ZP3: variants seen among roughly 807,000 people sequenced by gnomAD.
The protein encoded by ZP3 is zona pellucida sperm-binding protein 3.
Under a neutral mutation model 35.6 loss-of-function variants are expected in ZP3, and 21 were observed. That is an observed-to-expected ratio of 0.59 (90% confidence interval 0.42 to 0.85). The LOEUF (loss-of-function observed/expected upper bound fraction) is 0.85, where lower values mean the gene tolerates loss of function less well. ZP3 is among the 40% of genes least tolerant of loss of function. ZP3 has a pLI of 0.00. For missense variants in ZP3, 437 were observed against 536.5 expected (o/e 0.81, Z 1.83); for synonymous variants, 207 against 214.5 (o/e 0.96, Z 0.31).
At chr7:76,415,553 G>T (rs988863518) in intron 1 of ZP3, among the ~76,000 whole-genome samples, 2 of 150,558 alleles carry the variant, frequency 1.3e-5, no homozygotes, top group African/African-American at 4.9e-5. Context: ...GAGTGCAGTG[G>T]CACAGTCTCG....
In ZP3 at chr7:76,429,625, C is replaced by A. The variant is rs1246808858; in HGVS notation, c.423C>A (p.Arg141=). The A allele has an allele frequency of 3.1e-6, 5 of 1,613,906 alleles. No homozygotes were observed. The African/African-American group carries it at 4.0e-5, about 13-fold the overall frequency. Reference sequence around the variant, plus strand: ...GCGCAGAGATTCCCATCGAGTGCCGCTACCCCAGGTCGGTGTGGGACTGAC... The same window carrying A: ...GCGCAGAGATTCCCATCGAGTGCCGATACCCCAGGTCGGTGTGGGACTGAC... ...TNRAEIPIEC[R]YPRQGNVSSQ... Residue 141 remains arginine (R), a synonymous_variant, in exon 2 of 8, where the codon CGC becomes CGA. Coordinates refer to ENST00000394857, the MANE Select transcript of ZP3 (RefSeq NM_001110354.2).
chr7:76,419,617 CTTCT>C (rs1004000855), intron 1 of ZP3, among the ~76,000 whole-genome samples: 17 of 151,846 alleles, frequency 1.1e-4, no homozygotes, highest in African/African-American at 2.4e-4. Flanking sequence ...CCCTTCCTTC[CTTCT>C]TTCTTTCTTT....
intron 5 of ZP3, among the ~76,000 whole-genome samples, chr7:76,435,525 G>A (rs1314194928): frequency 1.3e-5 from 2 of 152,252 alleles, no homozygotes; most frequent in Admixed American, 6.5e-5. Context: ...TGGTTAGGAA[G>A]TGATTAAAGT....
chr7:76,400,617 AG>A, intron 1 of ZP3: 2 of 1,432,718 alleles, frequency 1.4e-6, no homozygotes, highest in Admixed American at 3.0e-5. Flanking sequence ...AGCTGGCACC[AG>A]GGGGTCACTG....
At chr7:76,419,426 T>C (rs970221106) in intron 1 of ZP3, among the ~76,000 whole-genome samples, 20 of 152,072 alleles carry the variant, frequency 1.3e-4, no homozygotes, top group Non-Finnish European at 2.2e-4. Flanking sequence ...TCTTGAAGAG[T>C]CCATCTGTTT....
intron 1 of ZP3, chr7:76,398,822 A>G: frequency 1.9e-6 from 3 of 1,609,460 alleles, no homozygotes; most frequent in South Asian, 1.1e-5. Context: ...AAGTGGATAC[A>G]GGGGTCTTTC....
chr7:76,398,566 A>G (rs1231173202), intron 1 of ZP3, among the ~76,000 whole-genome samples: 2 of 152,016 alleles, frequency 1.3e-5, no homozygotes, highest in African/African-American at 4.8e-5. Context: ...CGGCCTCCCA[A>G]AGTGCTGGGA....
intron 1 of ZP3, chr7:76,400,653 C>G: frequency 7.2e-7 from 1 of 1,382,174 alleles, no homozygotes; most frequent in Non-Finnish European, 9.5e-7. Context: ...CATGCCCACT[C>G]CAGGATGTCC....
Position 76,433,477 on chromosome 7 carries a change from G to C in ZP3, c.543G>C (p.Trp181Cys). 6.2e-7 allele frequency: 1 copy of C among 1,612,640 alleles called. No homozygotes were observed. The highest frequency in any genetic ancestry group is 8.5e-7 in the Non-Finnish European group (1 of 1,179,392). Residue 181 changes from tryptophan to cysteine, a missense_variant, in exon 4 of 8, where the codon TGG becomes TGC. Around this residue, in one of 6 missense-constraint regions of ZP3, gnomAD observed 352 missense variants for 308.4 expected, o/e 1.14. Transcript: ENST00000394857. ...TFSLRLMEEN[W>C]NAEKRSPTFH... Reference sequence around the variant, plus strand: ...GCTGACTGTGTCTTTCAGAGAACTGGAACGCTGAGAAGAGGTCCCCCACCT... The same window carrying C: ...GCTGACTGTGTCTTTCAGAGAACTGCAACGCTGAGAAGAGGTCCCCCACCT...
chr7:76,434,085 C>T lies in ZP3; in HGVS notation c.761C>T (p.Pro254Leu). 1.4e-6 allele frequency: 2 copies of T among 1,431,754 alleles called. No individual in the cohort carries two copies. The highest frequency in any genetic ancestry group is 1.9e-6 in the Non-Finnish European group (2 of 1,041,110). The allele number at this position is 1,431,754 out of a possible 1,614,324, so 88.7% of individuals were successfully genotyped here. Residue 254 changes from proline (P) to leucine (L), a missense_variant, in exon 5 of 8, where the codon CCT (proline) becomes CTT (leucine). This residue lies in a region of ZP3 where 26 missense variants were observed against 78.2 expected (regional missense o/e 0.33). Coordinates refer to ENST00000394857, the MANE Select transcript of ZP3 (RefSeq NM_001110354.2). ...LTDASSAFKV[P>L]RPGPDTLQFT... is the part of the protein sequence containing the mutation. ...GATGCCTCTTCTGCATTCAAAGTTC[C>T]TCGACCCGGGCCAGATACACTCCAG...
intron 2 of ZP3, among the ~76,000 whole-genome samples, chr7:76,432,708 T>C (rs562982725): frequency 2.4e-4 from 37 of 152,272 alleles, no homozygotes; most frequent in Admixed American, 8.5e-4. Flanking sequence ...CATCATAGCA[T>C]CAGTTAGGAT....
Position 76,400,340 on chromosome 7 carries a change from C to T in ZP3, c.-67+2543C>T, listed in dbSNP as rs747184626. ...TGAAAGCAATTGTGGACGCCCCAGC[C>T]GCGGCTGCCGCACTCGCTCAGCGCA... On this transcript the variant is annotated intron_variant, in intron 1 of 8. Coordinates refer to the ZP3 transcript ENST00000336517. 7 of 1,522,970 alleles carry T rather than the reference C, an allele frequency of 4.6e-6. No homozygotes were observed. In the East Asian group the frequency reaches 9.8e-5, roughly 21 times the overall value. The allele number at this position is 1,522,970 out of a possible 1,614,324, so 94.3% of individuals were successfully genotyped here.
intron 1 of ZP3, among the ~76,000 whole-genome samples, chr7:76,403,313 G>C (rs139830136): frequency 6.6e-6 from 1 of 151,702 alleles, no homozygotes; most frequent in Non-Finnish European, 1.5e-5. Context: ...ACTTGTGTAC[G>C]CATTTTACTG....
chr7:76,436,441 A>C (rs1806016667), intron 5 of ZP3, among the ~76,000 whole-genome samples: 1 of 152,208 alleles, frequency 6.6e-6, no homozygotes, highest in Non-Finnish European at 1.5e-5. Context: ...TGACTCTAAT[A>C]CGCAGCCAGG....
At chr7:76,411,012 A>AG (rs1210871494) in intron 1 of ZP3, among the ~76,000 whole-genome samples, 46 of 144,998 alleles carry the variant, frequency 3.2e-4, no homozygotes, top group Non-Finnish European at 5.6e-4. Flanking sequence ...AAAAAAAAAA[A>AG]AAAAAGAAAA....
upstream of ZP3, among the ~76,000 whole-genome samples, chr7:76,422,057 A>G (rs982632416): frequency 8.6e-5 from 13 of 151,964 alleles, no homozygotes; most frequent in African/African-American, 2.4e-4. Flanking sequence ...CCACCACACC[A>G]GGCTAATTTT....
chr7:76,433,112 T>C, intron 3 of ZP3, 82 bp downstream of exon 3: 1 of 1,210,796 alleles, frequency 8.3e-7, no homozygotes, highest in Non-Finnish European at 1.2e-6. Context: ...GTCTTTTTTT[T>C]GTTTGTTTGG....
chr7:76,427,374 G>A (rs35692422), intron 1 of ZP3, among the ~76,000 whole-genome samples: 21,138 of 152,076 alleles, frequency 0.14, 1,962 homozygotes, highest in African/African-American at 0.27. Context: ...GAAGTTAGCC[G>A]GGTGTGGTGG....
In ZP3 at chr7:76,441,165, G is replaced by T. The variant is rs185581183; in HGVS notation, c.1060+554G>T. 2.0e-5 allele frequency among the ~76,000 whole-genome samples: 3 copies of T among 151,412 alleles called. No homozygotes were observed. The East Asian group carries it at 5.8e-4, about 29-fold the overall frequency. On this transcript the variant is annotated intron_variant, in intron 7 of 7. Coordinates refer to ENST00000394857, the MANE Select transcript of ZP3 (RefSeq NM_001110354.2). ...CAGCCTGGGCAACAAGAGTAAAACT[G>T]TCTCTCAAAAAAAAAATAATAATCT... is the stretch of plus-strand genomic sequence containing the variant.
Sources: allele counts gnomAD v4.1 joint callset (sites outside exome capture counted in the v4.1 genomes callset), GRCh38; gene constraint gnomAD v4.1.1; regional missense constraint gnomAD v4.1.1; transcripts MANE v1.5; gene names NCBI Gene and HGNC (gene_info 2026-07-23, HGNC 2026-07-21).